The following RTN3 variants were observed in gnomAD, a reference collection of about 807,000 sequenced individuals.
The protein encoded by RTN3 is reticulon-3.
In RTN3, 49 loss-of-function variants were observed where a neutral mutation model predicts 77.8. The observed-to-expected ratio is 0.63, with a 90% confidence interval of 0.50 to 0.80. The LOEUF is 0.80. Among genes scored for constraint, RTN3 ranks in the 30% least tolerant of loss-of-function variants. RTN3 has a pLI of 0.00. For synonymous variants in RTN3, 464 were observed against 446.9 expected, an observed-to-expected ratio of 1.04 and a Z score of -0.48; for missense variants, 1,236 against 1,211.9, an observed-to-expected ratio of 1.02 and a Z score of -0.29.
chr11:63,681,886 T>C, intron 1 of RTN3, 108 bp downstream of exon 1: 6 of 1,204,780 alleles, frequency 5.0e-6, no homozygotes, highest in Non-Finnish European at 6.7e-6. Context: ...CCTCGACTAC[T>C]GACGGCTTCA....
At chr11:63,756,498 G>A (rs1475216455) in intron 8 of RTN3, among the ~76,000 whole-genome samples, 1 of 151,598 alleles carries the variant, frequency 6.6e-6, no homozygotes, top group Non-Finnish European at 1.5e-5. Context: ...ACATAGCTAG[G>A]CCTTGTCTCT....
chr11:63,755,666 A>G (rs2014339198), intron 7 of RTN3, among the ~76,000 whole-genome samples: 1 of 148,636 alleles, frequency 6.7e-6, no homozygotes, highest in Non-Finnish European at 1.5e-5. Context: ...AAAAAAAAAA[A>G]AAAAAAAAAA....
chr11:63,747,081 A>G, intron 3 of RTN3: 1 of 440,058 alleles, frequency 2.3e-6, no homozygotes, highest in Non-Finnish European at 4.6e-6. Flanking sequence ...ACTATAGGCC[A>G]GTTGTTTTGT....
intron 4 of RTN3, 27 bp from the exon 5 acceptor site, chr11:63,752,480 T>A (rs917232446): frequency 6.2e-7 from 1 of 1,606,138 alleles, no homozygotes; most frequent in South Asian, 1.1e-5. Context: ...ATGTCAAATG[T>A]ATGACTGTTA....
chr11:63,704,983 C>A, intron 2 of RTN3, 76 bp downstream of exon 2: 1 of 1,058,414 alleles, frequency 9.4e-7, no homozygotes, highest in Non-Finnish European at 1.5e-6. Context: ...GGATACGAGG[C>A]ACAAGTCTTC....
At chr11:63,716,995 A>AAG (rs398016348) in intron 2 of RTN3, among the ~76,000 whole-genome samples, 1 of 148,032 alleles carries the variant, frequency 6.8e-6, no homozygotes, top group Non-Finnish European at 1.5e-5. Flanking sequence ...AAAAAAAAAA[A>AAG]GAAAAGAAAG....
chr11:63,699,063 G>A (rs949905728), intron 1 of RTN3, among the ~76,000 whole-genome samples: 5 of 152,144 alleles, frequency 3.3e-5, no homozygotes, highest in Admixed American at 1.3e-4. Context: ...CAAGGTGGGC[G>A]GGTCACTTTA....
intron 3 of RTN3, among the ~76,000 whole-genome samples, chr11:63,735,601 T>TCTCTCTCTCTC (rs1590864655): frequency 3.4e-5 from 5 of 146,390 alleles, no homozygotes; most frequent in East Asian, 2.0e-4. Flanking sequence ...TCTCTCTCTC[T>TCTCTCTCTCTC]TTCTTTCAAC....
intron 1 of RTN3, among the ~76,000 whole-genome samples, chr11:63,687,355 G>A (rs971735748): frequency 3.7e-4 from 56 of 152,282 alleles, no homozygotes; most frequent in African/African-American, 1.3e-3. Context: ...GGTGGCCCAC[G>A]CCTGTAATCA....
Position 63,758,435 on chromosome 11 carries a change from C to T in RTN3, c.*234C>T. The T allele has an allele frequency of 8.2e-7, 1 of 1,215,532 alleles. No homozygotes were observed. Among genetic ancestry groups the T allele is most frequent in the South Asian group, 1.5e-5 (1 of 67,078 alleles). The allele number at this position is 1,215,532 out of a possible 1,614,324, so 75.3% of individuals were successfully genotyped here. On this transcript the variant is annotated 3_prime_UTR_variant, in exon 9 of 9. Coordinates refer to ENST00000377819, the MANE Select transcript of RTN3 (RefSeq NM_001265589.2). ...ACTCAGAAGAAGAAAGAATCAAATT[C>T]ATAGGATAAGTCAATACCTTAATGG...
chr11:63,752,455 A>C, intron 4 of RTN3, 52 bp from the exon 5 acceptor site: 3 of 1,575,450 alleles, frequency 1.9e-6, no homozygotes, highest in Non-Finnish European at 2.6e-6. Flanking sequence ...TACTGTGCTA[A>C]CAAAATCTTC....
At chr11:63,741,641 C>G (rs551616045) in intron 3 of RTN3, among the ~76,000 whole-genome samples, 3 of 151,478 alleles carry the variant, frequency 2.0e-5, no homozygotes, top group African/African-American at 4.9e-5. Flanking sequence ...CTGAAACTTA[C>G]AGGTATGTAC....
intron 2 of RTN3, 145 bp downstream of exon 2, chr11:63,705,052 A>G (rs985780573): frequency 4.2e-5 from 30 of 712,842 alleles, no homozygotes; most frequent in Middle Eastern, 4.9e-4. Context: ...TCTATTTAGC[A>G]GTTTCCAGTG....
At chr11:63,755,814 C>A (rs1211913958) in intron 7 of RTN3, among the ~76,000 whole-genome samples, 1 of 151,762 alleles carries the variant, frequency 6.6e-6, no homozygotes, top group Non-Finnish European at 1.5e-5. Flanking sequence ...AAAAAATTAG[C>A]CAGGCGTGGT....
chr11:63,684,581 C>T (rs888075308), intron 1 of RTN3, among the ~76,000 whole-genome samples: 3 of 151,980 alleles, frequency 2.0e-5, no homozygotes, highest in Admixed American at 2.0e-4. Context: ...ATGGGAGCCA[C>T]TGTGACCAGC....
At chr11:63,741,294 C>G (rs12419438) in intron 3 of RTN3, among the ~76,000 whole-genome samples, 1 of 151,810 alleles carries the variant, frequency 6.6e-6, no homozygotes, top group Admixed American at 6.6e-5. Flanking sequence ...CCTCCGCCTC[C>G]TGGGTTCAAT....
intron 2 of RTN3, among the ~76,000 whole-genome samples, chr11:63,706,095 CATA>C (rs1304195426): frequency 1.3e-5 from 2 of 152,174 alleles, no homozygotes; most frequent in East Asian, 3.9e-4. Flanking sequence ...AGAATAAAAA[CATA>C]ATGGGATTTA....
intron 3 of RTN3, among the ~76,000 whole-genome samples, chr11:63,725,018 C>T (rs760913275): frequency 2.0e-5 from 3 of 150,540 alleles, no homozygotes; most frequent in Non-Finnish European, 4.4e-5. Context: ...AGGCAGCCTA[C>T]ACCCATATCT....
At chr11:63,705,781 CTTTGTTTTGT>C (rs748395386) in intron 2 of RTN3, among the ~76,000 whole-genome samples, 1 of 152,110 alleles carries the variant, frequency 6.6e-6, no homozygotes. Flanking sequence ...TGAGTTGTGG[CTTTGTTTTGT>C]TTTGTTTTGT....
Sources: allele counts gnomAD v4.1 joint callset (sites outside exome capture counted in the v4.1 genomes callset), GRCh38; gene constraint gnomAD v4.1.1; transcripts MANE v1.5; gene names NCBI Gene and HGNC (gene_info 2026-07-23, HGNC 2026-07-21).